Variants in DNM3 observed in about 807,000 individuals in gnomAD.
DNM3 encodes the protein dynamin-3.
A neutral mutation model predicts 101.6 loss-of-function variants in DNM3; 47 were observed. The ratio of observed to expected loss-of-function variants is 0.46; its 90% confidence interval spans 0.37 to 0.59. The LOEUF (loss-of-function observed/expected upper bound fraction) is 0.59, where lower values mean the gene tolerates loss of function less well. DNM3 is among the 20% of genes least tolerant of loss of function. DNM3 has a pLI of 0.00. For missense variants in DNM3, 849 were observed against 1,085.7 expected (o/e 0.78, Z 3.06); for synonymous variants, 385 against 387.9 (o/e 0.99, Z 0.09).
chr1:172,239,657 GC>G (rs2061669649), intron 14 of DNM3, among the ~76,000 whole-genome samples: 1 of 152,058 alleles, frequency 6.6e-6, no homozygotes, highest in Non-Finnish European at 1.5e-5. Flanking sequence ...GGCCACCTGA[GC>G]ATGCAGTGAA....
At chr1:171,993,816 A>G (rs2045810067) in intron 4 of DNM3, among the ~76,000 whole-genome samples, 1 of 151,966 alleles carries the variant, frequency 6.6e-6, no homozygotes, top group Non-Finnish European at 1.5e-5. Context: ...TGGGAGGAAC[A>G]ATCTCAATTG....
intron 14 of DNM3, among the ~76,000 whole-genome samples, chr1:172,245,991 G>C (rs575023210): frequency 2.0e-5 from 3 of 152,120 alleles, no homozygotes; most frequent in Non-Finnish European, 4.4e-5. Flanking sequence ...TTACAGTCAC[G>C]GCTAAAGGTG....
intron 10 of DNM3, among the ~76,000 whole-genome samples, chr1:172,065,902 G>A (rs2051618409): frequency 6.6e-6 from 1 of 152,188 alleles, no homozygotes; most frequent in South Asian, 2.1e-4. Context: ...TGCACAGAGA[G>A]TAGACTTGCA....
At chr1:171,873,588 G>A (rs2035491144) in intron 1 of DNM3, among the ~76,000 whole-genome samples, 1 of 152,060 alleles carries the variant, frequency 6.6e-6, no homozygotes, top group African/African-American at 2.4e-5. Context: ...AAGAAGAAGA[G>A]GTGAGATTTA....
intron 4 of DNM3, among the ~76,000 whole-genome samples, chr1:171,989,685 T>C (rs1489100725): frequency 6.6e-6 from 1 of 152,180 alleles, no homozygotes; most frequent in Non-Finnish European, 1.5e-5. Flanking sequence ...GAAAAGGTCC[T>C]TTCTTATGCG....
intron 10 of DNM3, among the ~76,000 whole-genome samples, chr1:172,064,580 A>G (rs2051502879): frequency 6.6e-6 from 1 of 152,162 alleles, no homozygotes; most frequent in Non-Finnish European, 1.5e-5. Context: ...CTAATCAGAA[A>G]TCAATTGAAA....
chr1:171,890,506 A>G (rs2037174425), intron 1 of DNM3, among the ~76,000 whole-genome samples: 1 of 152,202 alleles, frequency 6.6e-6, no homozygotes, highest in Admixed American at 6.5e-5. Context: ...CAAAGTTCTA[A>G]CTAGCTACTT....
At chr1:171,893,822 T>C (rs149621900) in intron 1 of DNM3, among the ~76,000 whole-genome samples, 40 of 152,220 alleles carry the variant, frequency 2.6e-4, no homozygotes, top group African/African-American at 8.2e-4. Context: ...TTTAAGCCAA[T>C]CTATTATTTA....
intron 14 of DNM3, among the ~76,000 whole-genome samples, chr1:172,153,846 T>C (rs946894290): frequency 1.3e-5 from 2 of 152,124 alleles, no homozygotes; most frequent in Admixed American, 6.6e-5. Context: ...CCAGTAGCTT[T>C]TGAATTTTTT....
intron 1 of DNM3, among the ~76,000 whole-genome samples, chr1:171,852,324 G>A (rs1321193646): frequency 6.6e-6 from 1 of 152,184 alleles, no homozygotes; most frequent in African/African-American, 2.4e-5. Flanking sequence ...AAACTTGTTT[G>A]TAAGTAGATG....
intron 14 of DNM3, chr1:172,140,247 C>G (rs2057497409): frequency 6.6e-6 from 1 of 151,864 alleles, no homozygotes; most frequent in South Asian, 2.1e-4. Context: ...GTGCCATTTT[C>G]TGTGTATTTA....
intron 8 of DNM3, among the ~76,000 whole-genome samples, chr1:172,043,815 A>G (rs560726787): frequency 5.3e-4 from 80 of 152,334 alleles, no homozygotes; most frequent in Middle Eastern, 3.4e-3. Flanking sequence ...TTCGAGGTCT[A>G]AGCTCTGTGA....
intron 13 of DNM3, among the ~76,000 whole-genome samples, chr1:172,120,556 C>T (rs1164885021): frequency 6.6e-6 from 1 of 152,180 alleles, no homozygotes; most frequent in East Asian, 1.9e-4. Flanking sequence ...GTTGTTTGCT[C>T]CTCCAGGCAC....
chr1:172,337,628 T>C (rs2066487038), intron 17 of DNM3, among the ~76,000 whole-genome samples: 1 of 152,148 alleles, frequency 6.6e-6, no homozygotes, highest in Non-Finnish European at 1.5e-5. Flanking sequence ...ATCACACCTG[T>C]CACCATCTTG....
At chr1:171,891,815 A>G (rs1571449172) in intron 1 of DNM3, among the ~76,000 whole-genome samples, 1 of 152,184 alleles carries the variant, frequency 6.6e-6, no homozygotes, top group East Asian at 1.9e-4. Context: ...GATGTTGTCC[A>G]TCATCACCTG....
intron 17 of DNM3, among the ~76,000 whole-genome samples, chr1:172,359,673 A>G (rs927521546): frequency 2.0e-5 from 3 of 151,750 alleles, no homozygotes; most frequent in African/African-American, 7.3e-5. Context: ...GGTCAAAACC[A>G]GCATTTCAGG....
chr1:172,095,759 TAAG>T (rs1312532694), intron 13 of DNM3, among the ~76,000 whole-genome samples: 1 of 152,182 alleles, frequency 6.6e-6, no homozygotes, highest in African/African-American at 2.4e-5. Context: ...TAGAAGGATT[TAAG>T]AAGGGCAAAA....
intron 13 of DNM3, among the ~76,000 whole-genome samples, chr1:172,111,770 CTTCT>C (rs1490612706): frequency 6.6e-6 from 1 of 151,680 alleles, no homozygotes; most frequent in Non-Finnish European, 1.5e-5. Context: ...GCTACCAGAG[CTTCT>C]TTATTTGTTA....
chr1:172,239,800 C>CTTTTTTT (rs71107343), intron 14 of DNM3, among the ~76,000 whole-genome samples: 2 of 108,398 alleles, frequency 1.8e-5, no homozygotes, highest in African/African-American at 7.7e-5. Context: ...TTTTTTTTCT[C>CTTTTTTT]TTTTTTTTTT....
Sources: allele counts gnomAD v4.1 joint callset (sites outside exome capture counted in the v4.1 genomes callset), GRCh38; gene constraint gnomAD v4.1.1; transcripts MANE v1.5; gene names NCBI Gene and HGNC (gene_info 2026-07-23, HGNC 2026-07-21).